Variants in FLT4 observed in about 807,000 individuals in gnomAD.
FLT4 encodes the protein fms related receptor tyrosine kinase 4.
FLT4 carries 30 observed loss-of-function variants against 163.2 expected under a neutral mutation model. The observed-to-expected ratio is 0.18, with a 90% CI of 0.14 to 0.25. The LOEUF (loss-of-function observed/expected upper bound fraction) is 0.25, where lower values mean the gene tolerates loss of function less well. Among genes scored for constraint, FLT4 ranks in the 10% least tolerant of loss-of-function variants. The probability of loss-of-function intolerance (pLI) is 1.00; values close to 1 mark genes in which losing one functional copy is unlikely to be tolerated. For missense variants in FLT4, 1,510 were observed against 1,863.8 expected, an observed-to-expected ratio of 0.81 and a Z score of 3.50; for synonymous variants, 884 against 789.5, an observed-to-expected ratio of 1.12 and a Z score of -2.01.
chr5:180,613,998 G>T, intron 24 of FLT4, 70 bp downstream of exon 24: 1 of 1,053,508 alleles, frequency 9.5e-7, no homozygotes, highest in Non-Finnish European at 1.5e-6. Flanking sequence ...TACTCCAGCA[G>T]GGGCGGTCAT....
In FLT4 at chr5:180,623,823, G is replaced by A. The variant is rs904894705; in HGVS notation, c.1548+112C>T. Reference sequence around the variant, plus strand: ...GACTGCAGGAAGGTCACCCGCTCTCGGCTGCTCTGCCCAGCACTCTGGAAG... The same window carrying A: ...GACTGCAGGAAGGTCACCCGCTCTCAGCTGCTCTGCCCAGCACTCTGGAAG... On this transcript the variant is annotated intron_variant, in intron 11 of 29. Coordinates refer to ENST00000261937, the MANE Select transcript of FLT4 (RefSeq NM_182925.5). This position sits in a 1 kb window ranked among gnomAD's most constrained non-coding sequence, Gnocchi z 5.8. 2.6e-5 allele frequency: 37 copies of A among 1,407,710 alleles called. No homozygotes were observed. The highest frequency in any genetic ancestry group is 1.7e-4 in the Middle Eastern group (1 of 5,726). The allele number at this position is 1,407,710 out of a possible 1,614,324, so 87.2% of individuals were successfully genotyped here.
At chr5:180,611,543 C>T in intron 26 of FLT4, 64 bp from the exon 27 acceptor site, 1 of 1,548,526 alleles carries the variant, frequency 6.5e-7, no homozygotes, top group Admixed American at 1.8e-5. Flanking sequence ...GCCCTCGCCC[C>T]CACCCTCAGC....
At position 180,623,438 on chromosome 5, in the gene FLT4, C is replaced by CCCCCA. The variant is rs1763329310; in HGVS notation, c.1548+492_1548+496dup. Among the ~76,000 whole-genome samples, 2 of 151,706 alleles carry CCCCCA rather than the reference C, an allele frequency of 1.3e-5. No homozygotes were observed. Among genetic ancestry groups the CCCCCA allele is most frequent in the Admixed American group, 1.3e-4 (2 of 15,258 alleles). ...CCTGCCTACCATCCAAAGACCCCCA[C>CCCCCA]CCCCACCCCACCCCCAGCTGGGCAC... On this transcript the variant is annotated intron_variant, in intron 11 of 29. Transcript: ENST00000261937. The surrounding 1 kb of genome is among the most constrained non-coding windows in gnomAD (Gnocchi z 5.8).
At chr5:180,606,919 ACAAAC>A (rs1761832118) in intron 29 of FLT4, among the ~76,000 whole-genome samples, 8 of 148,042 alleles carry the variant, frequency 5.4e-5, no homozygotes, top group African/African-American at 2.1e-4. Flanking sequence ...AAAAAAACAA[ACAAAC>A]AAACTTAGCT....
intron 1 of FLT4, among the ~76,000 whole-genome samples, chr5:180,643,825 G>GTTTTTT (rs573767056): frequency 7.0e-6 from 1 of 143,678 alleles, no homozygotes. Flanking sequence ...CTTTTAACAG[G>GTTTTTT]TTTTTTTTTT....
In FLT4 at chr5:180,620,020, C is replaced by T. The variant is rs1763001710; in HGVS notation, c.2542+153G>A. On this transcript the variant is annotated intron_variant, in intron 17 of 29. Transcript: ENST00000261937. The surrounding 1 kb of genome is among the most constrained non-coding windows in gnomAD (Gnocchi z 4.4). The stretch of plus-strand genomic sequence containing the variant: ...GGAGCCTGGGAACTGGGGACCCTGG[C>T]TGAGGTTCTAGGTACCCACGCCCAC... Among the ~76,000 whole-genome samples the T allele has an allele frequency of 6.6e-6, 1 of 152,176 alleles. No individual in the cohort carries two copies. Among genetic ancestry groups the T allele is most frequent in the African/African-American group, 2.4e-5 (1 of 41,436 alleles).
At chr5:180,634,022 C>T (rs991428170) in intron 1 of FLT4, among the ~76,000 whole-genome samples, 36 of 152,174 alleles carry the variant, frequency 2.4e-4, no homozygotes, top group Middle Eastern at 3.2e-3. Context: ...CCTCTGATGG[C>T]TCCCCTCTGT....
Position 180,637,790 on chromosome 5 carries a change from A to T in FLT4, c.59-6012T>A, listed in dbSNP as rs538510844. ...GGTGATCCACCTGCCTCGGCCTCTC[A>T]AAGTGCTGGGATTACAGGTGTGGGC... is the stretch of plus-strand genomic sequence containing the variant. On this transcript the variant is annotated intron_variant, in intron 1 of 29. Transcript: ENST00000261937. Among the ~76,000 whole-genome samples, 17 of 152,270 alleles carry T rather than the reference A, an allele frequency of 1.1e-4. 1 individual carries two copies. In the South Asian group the frequency reaches 3.1e-3, roughly 28 times the overall value.
chr5:180,639,866 G>A (rs186087613), intron 1 of FLT4, among the ~76,000 whole-genome samples: 2 of 152,218 alleles, frequency 1.3e-5, no homozygotes, highest in Admixed American at 6.5e-5. Context: ...CCTCTGCTGC[G>A]CTCCCCCTGC....
intron 1 of FLT4, among the ~76,000 whole-genome samples, chr5:180,638,993 T>C (rs1309178076): frequency 4.6e-5 from 5 of 109,828 alleles, no homozygotes; most frequent in Non-Finnish European, 8.4e-5. Flanking sequence ...ATGAAAAAAA[T>C]GGAGGGATGG....
chr5:180,606,905 A>C (rs1172821345), intron 29 of FLT4, among the ~76,000 whole-genome samples: 1 of 38,658 alleles, frequency 2.6e-5, no homozygotes, highest in African/African-American at 8.1e-5. Context: ...AAAAAAAAAA[A>C]AAAAAAAAAA....
intron 26 of FLT4, chr5:180,611,853 T>C: frequency 2.8e-6 from 1 of 355,546 alleles, no homozygotes; most frequent in South Asian, 2.7e-5. Context: ...GGTACATTTA[T>C]GGATGAGGCA....
Position 180,621,562 on chromosome 5 carries a change from T to C in FLT4, c.2000A>G (p.Lys667Arg), listed in dbSNP as rs1763148301. Residue 667 changes from lysine (K) to arginine (R), a missense_variant, in exon 13 of 30, where the codon AAG becomes AGG. By Grantham distance (26) the Lys-to-Arg change is conservative. Around this residue, in one of 5 missense-constraint regions of FLT4, gnomAD observed 878 missense variants for 1,016.7 expected, o/e 0.86. Transcript: ENST00000261937. ...DRRSHDKHCHKKYLSVQALEA... is the reference protein window; with the variant it reads ...DRRSHDKHCHRKYLSVQALEA... ...CTCACCCTGCACCGACAGGTACTTC[T>C]TGTGGCAGTGCTTGTCATGGCTGCG... 1.9e-6 allele frequency: 3 copies of C among 1,612,126 alleles called. No homozygotes were observed. Among genetic ancestry groups the C allele is most frequent in the Non-Finnish European group, 2.5e-6 (3 of 1,179,526 alleles).
intron 29 of FLT4, among the ~76,000 whole-genome samples, chr5:180,604,933 T>G (rs1172786192): frequency 6.6e-6 from 1 of 152,226 alleles, no homozygotes; most frequent in African/African-American, 2.4e-5. Flanking sequence ...ATATTGTCCC[T>G]GTGGTGCCCT....
intron 20 of FLT4, 37 bp from the exon 21 acceptor site, chr5:180,618,957 C>T (rs1395587938): frequency 1.9e-6 from 3 of 1,558,554 alleles, no homozygotes; most frequent in Non-Finnish European, 2.6e-6. Context: ...GGCGCCCAGT[C>T]GTCCGCCGCA....
chr5:180,606,019 C>T (rs1355719096), intron 29 of FLT4, among the ~76,000 whole-genome samples: 2 of 152,226 alleles, frequency 1.3e-5, no homozygotes, highest in Non-Finnish European at 2.9e-5. Context: ...CACCAAGGCA[C>T]ATTCTCTCCT....
chr5:180,618,453 C>T (rs148241522), intron 21 of FLT4, among the ~76,000 whole-genome samples: 3,963 of 149,186 alleles, frequency 0.027, 208 homozygotes, highest in East Asian at 0.069. Flanking sequence ...TCTCCTGCCC[C>T]TCAGCCTCTG....
chr5:180,648,715 C>T (rs1281789859), intron 1 of FLT4, among the ~76,000 whole-genome samples: 1 of 122,048 alleles, frequency 8.2e-6, no homozygotes, highest in Non-Finnish European at 1.8e-5. Flanking sequence ...CTGCGTCTCT[C>T]CCCGCCAGAG....
intron 8 of FLT4, among the ~76,000 whole-genome samples, chr5:180,628,166 G>A (rs550913211): frequency 8.8e-4 from 134 of 152,332 alleles, no homozygotes; most frequent in African/African-American, 3.1e-3. Flanking sequence ...CCCTTTCCTA[G>A]CCTCTGCTTC....
Sources: gnomAD v4.1 joint callset for allele counts (sites outside exome capture counted in the v4.1 genomes callset) on GRCh38, gnomAD v4.1.1 for gene constraint, gnomAD v4.1.1 regional missense constraint, Gnocchi (gnomAD v3.1) non-coding constraint, MANE v1.5 for transcripts, NCBI Gene and HGNC (gene_info 2026-07-23, HGNC 2026-07-21) for gene names.